MCM7: variants seen among roughly 807,000 people sequenced by gnomAD.
The protein encoded by MCM7 is minichromosome maintenance complex component 7.
MCM7 carries 95 observed loss-of-function variants against 83.5 expected under a neutral mutation model. That is an observed-to-expected ratio of 1.14 (90% CI 0.96 to 1.35). MCM7 has a LOEUF of 1.35. MCM7 is among the 40% of genes most tolerant of loss of function. MCM7 has a pLI of 0.00. For synonymous variants in MCM7, 461 were observed against 352.7 expected, an observed-to-expected ratio of 1.31 and a Z score of -3.44; for missense variants, 1,087 against 957.4, an observed-to-expected ratio of 1.14 and a Z score of -1.79.
intron 12 of MCM7, among the ~76,000 whole-genome samples, chr7:100,094,635 C>T (rs1013345379): frequency 2.0e-5 from 3 of 152,154 alleles, no homozygotes; most frequent in Non-Finnish European, 2.9e-5. Flanking sequence ...GACCCCTCCT[C>T]TGAGCGCATG....
chr7:100,094,068 C>T (rs764121185), intron 13 of MCM7, 105 bp downstream of exon 13: 25 of 1,432,130 alleles, frequency 1.7e-5, no homozygotes, highest in Admixed American at 8.4e-5. Context: ...ACTTTAGCCC[C>T]GGCAGGGCTG....
At chr7:100,100,535 A>G in intron 1 of MCM7, 2 of 995,952 alleles carry the variant, frequency 2.0e-6, no homozygotes, top group Non-Finnish European at 2.4e-6. Context: ...TTAGTAAACA[A>G]AGAAGCACAT....
chr7:100,093,752 G>T (rs754127576), intron 13 of MCM7: 6 of 624,792 alleles, frequency 9.6e-6, no homozygotes, highest in Admixed American at 1.9e-5. Flanking sequence ...AAGACAATTG[G>T]CAGAGAGAAC....
At chr7:100,093,216 A>C in intron 14 of MCM7, 76 bp downstream of exon 14, 2 of 1,592,094 alleles carry the variant, frequency 1.3e-6, no homozygotes, top group Non-Finnish European at 1.7e-6. Context: ...GGCCAGTGTT[A>C]GAATTGAGGC....
intron 9 of MCM7, 74 bp from the exon 10 acceptor site, chr7:100,097,458 C>T: frequency 6.3e-7 from 1 of 1,578,930 alleles, no homozygotes; most frequent in Non-Finnish European, 8.7e-7. Context: ...ATTTTGAGTT[C>T]TGCCTACCCC....
At chr7:100,096,841 G>A (rs999010831) in intron 10 of MCM7, among the ~76,000 whole-genome samples, 13 of 151,722 alleles carry the variant, frequency 8.6e-5, no homozygotes, top group Admixed American at 8.5e-4. Flanking sequence ...GGTGGCTCAC[G>A]CCTGTAATCC....
intron 13 of MCM7, 68 bp from the exon 14 acceptor site, chr7:100,093,469 C>G (rs1795434736): frequency 7.1e-7 from 1 of 1,412,986 alleles, no homozygotes; most frequent in East Asian, 2.3e-5. Flanking sequence ...AGGGGACACC[C>G]TTGTTCTGGC....
intron 1 of MCM7, chr7:100,100,516 C>T: frequency 5.0e-6 from 5 of 1,001,946 alleles, no homozygotes; most frequent in South Asian, 4.0e-5. Context: ...CCCGCCATCG[C>T]TTCCGCTCTT....
chr7:100,099,650 C>A lies in MCM7; in HGVS notation c.215G>T (p.Arg72Leu), dbSNP rs760332743. 3 of 1,614,190 alleles carry A rather than the reference C, an allele frequency of 1.9e-6. No individual in the cohort carries two copies. Among genetic ancestry groups the A allele is most frequent in the South Asian group, 1.1e-5 (1 of 91,084 alleles). Reference sequence around the variant, plus strand: ...GGCATCAGCAAAGAGCTTCGCGTAGCGCCTGGCATTCTCACAAATTGAGTC... The same window carrying A: ...GGCATCAGCAAAGAGCTTCGCGTAGAGCCTGGCATTCTCACAAATTGAGTC... ...LVDSICENARRYAKLFADAVQ... is the reference protein window; with the variant it reads ...LVDSICENARLYAKLFADAVQ... The change falls in exon 3 of 15, where the codon CGC becomes CTC. Residue 72 changes from arginine to leucine, a missense_variant. Transcript: ENST00000303887.
At chr7:100,101,179 TC>T in intron 1 of MCM7, 84 bp downstream of exon 1, 1 of 1,552,554 alleles carries the variant, frequency 6.4e-7, no homozygotes, top group Non-Finnish European at 8.8e-7. Context: ...CCGACCCCGG[TC>T]CCCCAAGACC....
chr7:100,095,053 CCTGTAATCCCAGCTA>C (rs1795545395), intron 12 of MCM7, among the ~76,000 whole-genome samples: 1 of 152,176 alleles, frequency 6.6e-6, no homozygotes, highest in Non-Finnish European at 1.5e-5. Context: ...GTGGCGTGCG[CCTGTAATCCCAGCTA>C]CTCAGGAGGC....
intron 1 of MCM7, chr7:100,100,478 C>T (rs950121987): frequency 4.4e-6 from 4 of 908,732 alleles, no homozygotes; most frequent in Admixed American, 1.3e-4. Flanking sequence ...TCCGCCACCG[C>T]ACCCCGCCAC....
intron 1 of MCM7, chr7:100,100,436 G>C (rs1795915313): frequency 2.0e-6 from 2 of 1,018,290 alleles, no homozygotes; most frequent in South Asian, 3.6e-5. Context: ...CGCCTTCTTT[G>C]GGTCCCCTTA....
chr7:100,100,502 C>T (rs1193552539), intron 1 of MCM7: 1 of 1,003,496 alleles, frequency 1.0e-6, no homozygotes, highest in Non-Finnish European at 1.2e-6. Context: ...ACCCCACCCC[C>T]GCTCCCGCCA....
chr7:100,093,615 G>C (rs763934334), intron 13 of MCM7: 1 of 763,594 alleles, frequency 1.3e-6, no homozygotes, highest in East Asian at 2.5e-5. Flanking sequence ...TCCAGCAATT[G>C]CCCAAGTCTC....
At chr7:100,093,986 T>G (rs752156486) in intron 13 of MCM7, 187 bp downstream of exon 13, 1 of 804,342 alleles carries the variant, frequency 1.2e-6, no homozygotes, top group South Asian at 1.4e-5. Context: ...ACGGACGCTG[T>G]GCGTGCCCTG....
rs1319154354 is a variant in MCM7 at position 100,097,954 on chromosome 7, GCAGGAAAATGC to G, written c.871-17_871-7del. 6.2e-7 allele frequency: 1 copy of G among 1,612,464 alleles called. No individual in the cohort carries two copies. Among genetic ancestry groups the G allele is most frequent in the Non-Finnish European group, 8.5e-7 (1 of 1,178,644 alleles). On this transcript the variant is annotated splice_polypyrimidine_tract_variant and splice_region_variant and intron_variant, in intron 7 of 14. Transcript: ENST00000303887. ...TAGGTTTCTGAGAGTAAACCCTTGG[GCAGGAAAATGC>G]CAGGATACAGATGTAATCCCTTCAA...
chr7:100,095,530 T>C (rs1024425738), intron 11 of MCM7, 60 bp from the exon 12 acceptor site: 13 of 1,516,430 alleles, frequency 8.6e-6, no homozygotes, highest in South Asian at 1.2e-5. Context: ...CATGTCCTCT[T>C]AGGTGTCCCT....
rs764119522 is a variant in MCM7 at position 100,095,959 on chromosome 7, G to A, written c.1410C>T (p.Ala470=). The change falls in exon 11 of 15, where the codon GCC becomes GCT. Residue 470 remains alanine, a synonymous_variant. Coordinates refer to ENST00000303887, the MANE Select transcript of MCM7 (RefSeq NM_005916.5). ...EVMEQQTISI[A]KAGILTTLNA... is the part of the protein sequence containing the mutation. The stretch of plus-strand genomic sequence containing the variant: ...TGAGTGTGGTGAGAATGCCGGCCTT[G>A]GCAATGGAGATGGTCTGCTGCTCCA... The A allele has an allele frequency of 2.2e-5, 35 of 1,614,120 alleles. No individual in the cohort carries two copies. Among genetic ancestry groups the A allele is most frequent in the Non-Finnish European group, 2.7e-5 (32 of 1,180,006 alleles).
Sources: gnomAD v4.1 joint callset for allele counts (sites outside exome capture counted in the v4.1 genomes callset) on GRCh38, gnomAD v4.1.1 for gene constraint, MANE v1.5 for transcripts, NCBI Gene and HGNC (gene_info 2026-07-23, HGNC 2026-07-21) for gene names.